MDGA2: variants seen among roughly 807,000 people sequenced by gnomAD.
MDGA2 encodes the protein MAM domain containing glycosylphosphatidylinositol anchor 2, also known as MAM domain-containing glycosylphosphatidylinositol anchor protein 2.
MDGA2 carries 40 observed loss-of-function variants against 117.8 expected under a neutral mutation model. The observed-to-expected ratio is 0.34, with a 90% confidence interval of 0.26 to 0.44. MDGA2 has a LOEUF of 0.44. MDGA2 is among the 20% of genes least tolerant of loss of function. The pLI, the probability that MDGA2 is intolerant of heterozygous loss-of-function variation, is 1.00. For synonymous variants in MDGA2, 452 were observed against 439.0 expected, an observed-to-expected ratio of 1.03 and a Z score of -0.37; for missense variants, 1,123 against 1,250.6, an observed-to-expected ratio of 0.90 and a Z score of 1.54.
At chr14:47,168,754 T>A (rs1410379021) in intron 3 of MDGA2, among the ~76,000 whole-genome samples, 1 of 151,986 alleles carries the variant, frequency 6.6e-6, no homozygotes, top group Non-Finnish European at 1.5e-5. Context: ...ATTACATTTA[T>A]ATGTTAAATT....
intron 11 of MDGA2, among the ~76,000 whole-genome samples, chr14:46,879,151 A>G (rs1882347769): frequency 2.0e-5 from 3 of 152,096 alleles, no homozygotes; most frequent in Admixed American, 6.6e-5. Context: ...TTAAGATTAA[A>G]TTAATCTTGG....
rs780086012 is a variant in MDGA2 at position 47,096,898 on chromosome 14, T to G, written c.1151A>C (p.Asn384Thr). The G allele has an allele frequency of 6.2e-7, 1 of 1,613,224 alleles. No homozygotes were observed. Among genetic ancestry groups the G allele is most frequent in the Non-Finnish European group, 8.5e-7 (1 of 1,179,380 alleles). ...AGTYSCIANN[N>T]VGNPAKKSTN... ...GGACTTTTTTGCAGGGTTTCCCACATTATTATTGGCAATGCAGCTGTAAGT... is the reference window on the plus strand; with the variant it reads ...GGACTTTTTTGCAGGGTTTCCCACAGTATTATTGGCAATGCAGCTGTAAGT... Residue 384 changes from asparagine (N) to threonine (T), a missense_variant, in exon 6 of 17, where the codon AAT becomes ACT. By Grantham distance (65) the Asn-to-Thr change is moderately conservative (BLOSUM62 0). Around this residue, in one of 2 missense-constraint regions of MDGA2, gnomAD observed 890 missense variants for 1,050.3 expected, o/e 0.85. Transcript: ENST00000399232.
chr14:47,144,330 G>T, intron 3 of MDGA2, 56 bp from the exon 4 acceptor site: 14 of 1,393,564 alleles, frequency 1.0e-5, no homozygotes, highest in Non-Finnish European at 1.4e-5. Context: ...GACTTTTAAA[G>T]TATTGTGCTT....
intron 1 of MDGA2, among the ~76,000 whole-genome samples, chr14:47,475,059 G>A (rs570437292): frequency 1.1e-4 from 16 of 152,056 alleles, no homozygotes; most frequent in Non-Finnish European, 2.1e-4. Context: ...CTACAGAATG[G>A]GAGAAAATTT....
chr14:47,539,298 T>C (rs1895289723), intron 1 of MDGA2, among the ~76,000 whole-genome samples: 1 of 152,186 alleles, frequency 6.6e-6, no homozygotes, highest in Non-Finnish European at 1.5e-5. Context: ...CTTGCAATAG[T>C]AGCAAAAAGC....
intron 10 of MDGA2, among the ~76,000 whole-genome samples, chr14:46,907,306 T>C (rs376237098): frequency 9.9e-5 from 15 of 152,254 alleles, no homozygotes; most frequent in African/African-American, 3.1e-4. Context: ...GCAAATCAGT[T>C]GTGGATTTTG....
chr14:47,661,748 T>A (rs75049296), intron 1 of MDGA2, among the ~76,000 whole-genome samples: 1 of 140,984 alleles, frequency 7.1e-6, no homozygotes, highest in Admixed American at 7.1e-5. Context: ...CAGAGTTTCT[T>A]TTTTTTTTTT....
intron 1 of MDGA2, among the ~76,000 whole-genome samples, chr14:47,674,109 A>T (rs975086052): frequency 5.8e-5 from 1 of 17,196 alleles, no homozygotes. Context: ...GGGGGCGGAG[A>T]GGGGTGGGGA....
intron 1 of MDGA2, among the ~76,000 whole-genome samples, chr14:47,454,952 C>T (rs1426791146): frequency 1.3e-5 from 2 of 152,156 alleles, no homozygotes; most frequent in African/African-American, 4.8e-5. Flanking sequence ...CACTAATAAC[C>T]ACAGTGGAGA....
chr14:47,167,368 T>C (rs1883927090), intron 3 of MDGA2, among the ~76,000 whole-genome samples: 1 of 152,190 alleles, frequency 6.6e-6, no homozygotes, highest in Admixed American at 6.6e-5. Context: ...TTAACCTCTC[T>C]GTGTACTCAT....
rs747586446 is a variant in MDGA2, at chr14:47,588,227, G to T, written c.280+86290C>A. ...TAAAACTATATTTTCAAATCTCTTG[G>T]AGATAGATAGATATATATATATATA... On this transcript the variant is annotated intron_variant, in intron 1 of 16. Coordinates refer to ENST00000399232, the MANE Select transcript of MDGA2 (RefSeq NM_001113498.3). Among the ~76,000 whole-genome samples, 3 of 79,164 alleles carry T rather than the reference G, an allele frequency of 3.8e-5. 1 individual carries two copies. The highest frequency in any genetic ancestry group is 7.7e-5 in the Non-Finnish European group (3 of 38,918). The allele number at this position is 79,164 out of a possible 152,430, so 51.9% of individuals were successfully genotyped here.
intron 8 of MDGA2, among the ~76,000 whole-genome samples, chr14:47,006,590 C>T (rs1174888893): frequency 6.6e-6 from 1 of 150,922 alleles, no homozygotes. Flanking sequence ...ATCAAGTGTA[C>T]AATAAGAAAA....
Position 46,841,645 on chromosome 14 carries a change from A to C in MDGA2, c.*286T>G. Reference sequence around the variant, plus strand: ...TTTTTTCATTTTTTTTTTTTTTTCCAGAGTTCAACCAGATGACGCTGTAAT... The same window carrying C: ...TTTTTTCATTTTTTTTTTTTTTTCCCGAGTTCAACCAGATGACGCTGTAAT... On this transcript the variant is annotated 3_prime_UTR_variant, in exon 17 of 17. Transcript: ENST00000399232. 1 of 171,512 alleles carries C rather than the reference A, an allele frequency of 5.8e-6. No homozygotes were observed. The highest frequency in any genetic ancestry group is 1.1e-5 in the Non-Finnish European group (1 of 89,398). The allele number at this position is 171,512 out of a possible 1,614,324, so 10.6% of individuals were successfully genotyped here.
In MDGA2 at chr14:46,969,930, TTCCATATATATATA is replaced by T. The variant is rs1290745987; in HGVS notation, c.1820-12301_1820-12288del. On this transcript the variant is annotated intron_variant, in intron 8 of 16. Transcript: ENST00000399232. ...CACATGTACCTTAGAACTTAAAGTATTCCATATATATATATATATATATATATATATATATATAT... is the reference window on the plus strand; with the variant it reads ...CACATGTACCTTAGAACTTAAAGTATTATATATATATATATATATATATAT... Among the ~76,000 whole-genome samples, 8 of 135,840 alleles carry T rather than the reference TTCCATATATATATA, an allele frequency of 5.9e-5. No homozygotes were observed. In the South Asian group the frequency reaches 7.4e-4, roughly 13 times the overall value. 89.1% of individuals were successfully genotyped at this position (135,840 alleles called of 152,430 possible). A position where few individuals can be genotyped will look rare whatever the true frequency, so the allele number is the denominator to read the frequency against.
At chr14:47,108,560 G>T (rs1028199845) in intron 5 of MDGA2, among the ~76,000 whole-genome samples, 2 of 151,884 alleles carry the variant, frequency 1.3e-5, no homozygotes, top group African/African-American at 4.8e-5. Flanking sequence ...TGAGCACCTT[G>T]CGACCCCCAC....
intron 1 of MDGA2, among the ~76,000 whole-genome samples, chr14:47,420,001 T>C (rs1892546900): frequency 6.6e-6 from 1 of 152,060 alleles, no homozygotes; most frequent in South Asian, 2.1e-4. Context: ...CTAAAAATGA[T>C]CCAAGTAATT....
chr14:47,305,037 G>A (rs1175774609), intron 1 of MDGA2, among the ~76,000 whole-genome samples: 1 of 152,088 alleles, frequency 6.6e-6, no homozygotes, highest in Non-Finnish European at 1.5e-5. Flanking sequence ...GCCAGACTGA[G>A]CATCATTTTT....
At chr14:47,377,118 G>A (rs1456015896) in intron 1 of MDGA2, among the ~76,000 whole-genome samples, 4 of 152,122 alleles carry the variant, frequency 2.6e-5, no homozygotes, top group Non-Finnish European at 5.9e-5. Context: ...CTTAGAATGA[G>A]ATGATATATA....
intron 2 of MDGA2, among the ~76,000 whole-genome samples, chr14:47,277,189 C>T (rs1189134997): frequency 6.6e-6 from 1 of 152,184 alleles, no homozygotes; most frequent in Admixed American, 6.5e-5. Flanking sequence ...TCTTCAGACC[C>T]TGCCAATCTC....
Sources: allele counts gnomAD v4.1 joint callset (sites outside exome capture counted in the v4.1 genomes callset), GRCh38; gene constraint gnomAD v4.1.1; regional missense constraint gnomAD v4.1.1; transcripts MANE v1.5; gene names NCBI Gene and HGNC (gene_info 2026-07-23, HGNC 2026-07-21).